ANKH: variants seen among roughly 807,000 people sequenced by gnomAD.
The protein encoded by ANKH is ANKH inorganic pyrophosphate transport regulator.
ANKH carries 15 observed loss-of-function variants against 49.0 expected under a neutral mutation model. That is an observed-to-expected ratio of 0.31 (90% CI 0.20 to 0.47). The LOEUF (loss-of-function observed/expected upper bound fraction) is 0.47, where lower values mean the gene tolerates loss of function less well. Among genes scored for constraint, ANKH ranks in the 20% least tolerant of loss-of-function variants. The probability of loss-of-function intolerance (pLI) is 1.00; values close to 1 mark genes in which losing one functional copy is unlikely to be tolerated. For missense variants in ANKH, 429 were observed against 652.0 expected, an observed-to-expected ratio of 0.66 and a Z score of 3.72; for synonymous variants, 273 against 260.0, an observed-to-expected ratio of 1.05 and a Z score of -0.48.
chr5:14,835,199 T>C (rs1321792765), intron 1 of ANKH, among the ~76,000 whole-genome samples: 1 of 152,206 alleles, frequency 6.6e-6, no homozygotes, highest in East Asian at 1.9e-4. Flanking sequence ...CATATGTATA[T>C]TTTATGACCA....
At chr5:14,731,096 G>A (rs115909798) in intron 8 of ANKH, among the ~76,000 whole-genome samples, 199 of 152,324 alleles carry the variant, frequency 1.3e-3, no homozygotes, top group South Asian at 3.3e-3. Flanking sequence ...CAACACGGGC[G>A]TGAAAGGCCA....
chr5:14,848,120 T>G (rs1383213931), intron 1 of ANKH, among the ~76,000 whole-genome samples: 1 of 152,116 alleles, frequency 6.6e-6, no homozygotes, highest in East Asian at 1.9e-4. Flanking sequence ...AGCCTGGCGA[T>G]GGACCGAGAT....
chr5:14,798,010 G>T, intron 1 of ANKH: 2 of 1,569,010 alleles, frequency 1.3e-6, no homozygotes, highest in Non-Finnish European at 1.8e-6. Flanking sequence ...GGCATATAAC[G>T]GGCCCTGTTT....
intron 1 of ANKH, among the ~76,000 whole-genome samples, chr5:14,857,050 C>T (rs1334215651): frequency 6.6e-6 from 1 of 152,180 alleles, no homozygotes; most frequent in Admixed American, 6.5e-5. Context: ...TGAGATCTTC[C>T]CAAATATACG....
At chr5:14,821,340 C>T (rs969843924) in intron 1 of ANKH, among the ~76,000 whole-genome samples, 4 of 152,110 alleles carry the variant, frequency 2.6e-5, no homozygotes, top group Non-Finnish European at 5.9e-5. Context: ...TGACAACAAC[C>T]GTTTAAATTG....
At chr5:14,801,378 T>C (rs562947207) in intron 1 of ANKH, among the ~76,000 whole-genome samples, 1 of 152,292 alleles carries the variant, frequency 6.6e-6, no homozygotes, top group South Asian at 2.1e-4. Flanking sequence ...CAGTGTAGGT[T>C]TGGAAATGGA....
At chr5:14,819,900 T>TATAC (rs562130916) in intron 1 of ANKH, among the ~76,000 whole-genome samples, 2 of 145,410 alleles carry the variant, frequency 1.4e-5, no homozygotes, top group Non-Finnish European at 3.0e-5. Flanking sequence ...AACAAAAATA[T>TATAC]ACACACACAC....
intron 1 of ANKH, among the ~76,000 whole-genome samples, chr5:14,809,436 T>C (rs1740813736): frequency 6.6e-6 from 1 of 151,256 alleles, no homozygotes; most frequent in East Asian, 1.9e-4. Context: ...ATGTGTGCTG[T>C]AATCCCAGCT....
chr5:14,823,196 T>C (rs1741245283), intron 1 of ANKH, among the ~76,000 whole-genome samples: 1 of 152,202 alleles, frequency 6.6e-6, no homozygotes, highest in Non-Finnish European at 1.5e-5. Flanking sequence ...CTTCAGTGTT[T>C]ACTTGTAACA....
Position 14,856,361 on chromosome 5 carries a change from G to A in ANKH, c.96+14991C>T, listed in dbSNP as rs117150835. On this transcript the variant is annotated intron_variant, in intron 1 of 11. Transcript: ENST00000284268. ...CACCATTTCATACTTTTCAAAGCAC[G>A]TTTGCATCCAGTCTGTTTGGTCCAG... Among the ~76,000 whole-genome samples, 618 of 152,238 alleles carry A rather than the reference G, an allele frequency of 4.1e-3. 6 individuals carry two copies. Among genetic ancestry groups the A allele is most frequent in the East Asian group, 0.034 (176 of 5,172 alleles).
At chr5:14,717,571 A>G (rs1408941647) in intron 8 of ANKH, among the ~76,000 whole-genome samples, 2 of 152,192 alleles carry the variant, frequency 1.3e-5, no homozygotes, top group Non-Finnish European at 2.9e-5. Flanking sequence ...CTGGAAGTCA[A>G]GTTAGTAAGC....
At chr5:14,858,759 A>AAATAAAT (rs202137385) in intron 1 of ANKH, among the ~76,000 whole-genome samples, 4 of 60,940 alleles carry the variant, frequency 6.6e-5, no homozygotes, top group East Asian at 5.0e-4. Context: ...ATAAATAAAT[A>AAATAAAT]AAATAAAATA....
intron 4 of ANKH, among the ~76,000 whole-genome samples, chr5:14,752,824 T>C (rs965748545): frequency 3.3e-5 from 5 of 152,016 alleles, no homozygotes; most frequent in African/African-American, 9.7e-5. Context: ...GGTGGACTGA[T>C]GGGGGTGGAA....
At chr5:14,790,429 A>G (rs1417563966) in intron 1 of ANKH, among the ~76,000 whole-genome samples, 1 of 152,230 alleles carries the variant, frequency 6.6e-6, no homozygotes, top group South Asian at 2.1e-4. Flanking sequence ...TCCACCTTCT[A>G]TGCAAACCAC....
intron 1 of ANKH, 29 bp downstream of exon 1, chr5:14,871,323 C>CGGGCGTG (rs1561093057): frequency 2.5e-6 from 4 of 1,595,436 alleles, no homozygotes; most frequent in Admixed American, 1.7e-5. Context: ...GCAGGGCGAG[C>CGGGCGTG]GGGCGTGGGG....
At chr5:14,871,327 C>T (rs1185135719) in intron 1 of ANKH, 25 bp downstream of exon 1, 1 of 1,596,488 alleles carries the variant, frequency 6.3e-7, no homozygotes, top group South Asian at 1.1e-5. Flanking sequence ...GGCGAGCGGG[C>T]GTGGGGCGCG....
intron 2 of ANKH, among the ~76,000 whole-genome samples, chr5:14,764,293 C>G (rs996417742): frequency 1.3e-5 from 2 of 151,938 alleles, no homozygotes; most frequent in Non-Finnish European, 2.9e-5. Flanking sequence ...ATGGTGGGCC[C>G]GTTCTGATTC....
intron 1 of ANKH, chr5:14,869,943 T>C (rs1198294192): frequency 6.6e-6 from 1 of 152,094 alleles, no homozygotes; most frequent in Non-Finnish European, 1.5e-5. Context: ...AAATGGGCAA[T>C]GTAGTAAATT....
chr5:14,787,612 T>C (rs1740020226), intron 1 of ANKH, among the ~76,000 whole-genome samples: 1 of 152,136 alleles, frequency 6.6e-6, no homozygotes, highest in Non-Finnish European at 1.5e-5. Flanking sequence ...CTTTTATTAA[T>C]TTAAAATGAA....
Sources: allele counts gnomAD v4.1 joint callset (sites outside exome capture counted in the v4.1 genomes callset), GRCh38; gene constraint gnomAD v4.1.1; transcripts MANE v1.5; gene names NCBI Gene and HGNC (gene_info 2026-07-23, HGNC 2026-07-21).